The following CADM2 variants were observed in gnomAD, a reference collection of about 807,000 sequenced individuals.
CADM2 encodes immunoglobulin superfamily member 4D.
A neutral mutation model predicts 49.8 loss-of-function variants in CADM2; 12 were observed. The observed-to-expected ratio is 0.24, with a 90% CI of 0.15 to 0.39. CADM2 has a LOEUF of 0.39. CADM2 is among the 10% of genes least tolerant of loss of function. The probability of loss-of-function intolerance (pLI) is 1.00; values close to 1 mark genes in which losing one functional copy is unlikely to be tolerated. For synonymous variants in CADM2, 214 were observed against 175.4 expected, an observed-to-expected ratio of 1.22 and a Z score of -1.74; for missense variants, 378 against 492.3, an observed-to-expected ratio of 0.77 and a Z score of 2.20.
At chr3:85,213,639 C>T (rs1441115359) in intron 1 of CADM2, among the ~76,000 whole-genome samples, 1 of 152,074 alleles carries the variant, frequency 6.6e-6, no homozygotes, top group Non-Finnish European at 1.5e-5. Context: ...TATTTATTTC[C>T]TTCTCTTGGT....
chr3:85,923,568 C>T (rs1719438732), intron 6 of CADM2, among the ~76,000 whole-genome samples: 1 of 146,974 alleles, frequency 6.8e-6, no homozygotes. Flanking sequence ...CAAACAAACA[C>T]AGTAGCAAAC....
intron 1 of CADM2, among the ~76,000 whole-genome samples, chr3:85,271,535 C>A (rs2043242917): frequency 6.6e-6 from 1 of 151,054 alleles, no homozygotes; most frequent in Non-Finnish European, 1.5e-5. Context: ...GAATTAGAGA[C>A]ACACGGAGCA....
At chr3:86,025,495 A>T (rs1733797311) in intron 8 of CADM2, among the ~76,000 whole-genome samples, 1 of 151,852 alleles carries the variant, frequency 6.6e-6, no homozygotes, top group African/African-American at 2.4e-5. Flanking sequence ...TTATTTTTTT[A>T]AATCTTTATA....
intron 1 of CADM2, among the ~76,000 whole-genome samples, chr3:85,381,566 G>A (rs1157776303): frequency 7.1e-6 from 1 of 140,438 alleles, no homozygotes; most frequent in Non-Finnish European, 1.5e-5. Context: ...TGTAGTAACA[G>A]GTTCTAATAT....
chr3:84,963,833 ACTTTAGT>A (rs1170417856), intron 1 of CADM2, among the ~76,000 whole-genome samples: 2 of 152,154 alleles, frequency 1.3e-5, no homozygotes, highest in Non-Finnish European at 2.9e-5. Context: ...ACATGTGTTA[ACTTTAGT>A]CTTGGCAAGC....
intron 1 of CADM2, among the ~76,000 whole-genome samples, chr3:85,142,491 C>T (rs962890593): frequency 6.6e-6 from 1 of 152,138 alleles, no homozygotes; most frequent in African/African-American, 2.4e-5. Flanking sequence ...ACTGTGAATG[C>T]ATATGGGAAG....
At chr3:85,884,186 G>A (rs1713228229) in intron 4 of CADM2, among the ~76,000 whole-genome samples, 1 of 152,180 alleles carries the variant, frequency 6.6e-6, no homozygotes, top group South Asian at 2.1e-4. Context: ...TGAAATTGCT[G>A]CATTTCATTG....
At chr3:85,070,615 C>CA (rs2036696341) in intron 1 of CADM2, among the ~76,000 whole-genome samples, 1 of 151,838 alleles carries the variant, frequency 6.6e-6, no homozygotes, top group Non-Finnish European at 1.5e-5. Context: ...TTAAATAGAA[C>CA]AAAAAAAGGA....
At chr3:86,050,969 T>G (rs1335466847) in intron 8 of CADM2, among the ~76,000 whole-genome samples, 6 of 152,206 alleles carry the variant, frequency 3.9e-5, no homozygotes, top group Non-Finnish European at 8.8e-5. Context: ...TTATGCAAAT[T>G]TCTGCAGCCT....
chr3:85,917,299 A>G (rs1718478129), intron 6 of CADM2, among the ~76,000 whole-genome samples: 1 of 152,130 alleles, frequency 6.6e-6, no homozygotes, highest in Admixed American at 6.5e-5. Context: ...TTATGATTTT[A>G]GGTCTAACAT....
intron 1 of CADM2, among the ~76,000 whole-genome samples, chr3:85,018,397 A>G (rs140365745): frequency 2.1e-3 from 326 of 152,250 alleles, no homozygotes; most frequent in African/African-American, 7.5e-3. Flanking sequence ...ATCTATTTTG[A>G]GACAAAGTCT....
At chr3:85,183,882 C>T (rs186651598) in intron 1 of CADM2, among the ~76,000 whole-genome samples, 1 of 152,182 alleles carries the variant, frequency 6.6e-6, no homozygotes, top group Non-Finnish European at 1.5e-5. Flanking sequence ...ATTTAATAAG[C>T]ATTAACTCAG....
intron 1 of CADM2, among the ~76,000 whole-genome samples, chr3:85,711,341 G>A (rs1444339005): frequency 1.3e-5 from 2 of 152,010 alleles, no homozygotes; most frequent in African/African-American, 4.8e-5. Context: ...GTCCCCTAAG[G>A]CCTCAATTCC....
intron 8 of CADM2, among the ~76,000 whole-genome samples, chr3:86,051,551 T>C (rs531887636): frequency 1.3e-5 from 2 of 152,300 alleles, no homozygotes; most frequent in East Asian, 1.9e-4. Flanking sequence ...TATTAGTCTG[T>C]TATAGCATTG....
chr3:85,241,078 C>G (rs557972734), intron 1 of CADM2, among the ~76,000 whole-genome samples: 1 of 151,298 alleles, frequency 6.6e-6, no homozygotes, highest in African/African-American at 2.4e-5. Context: ...TGGAATTGAC[C>G]CTTTTATCAT....
chr3:86,054,179 G>T (rs1578073239), intron 8 of CADM2, among the ~76,000 whole-genome samples: 1 of 151,676 alleles, frequency 6.6e-6, no homozygotes, highest in African/African-American at 2.4e-5. Flanking sequence ...CTTTTCTACT[G>T]GTATGTGATG....
At chr3:85,143,271 C>T in intron 1 of CADM2, among the ~76,000 whole-genome samples, 1 of 152,050 alleles carries the variant, frequency 6.6e-6, no homozygotes, top group South Asian at 2.1e-4. Context: ...TTGCTTGAGC[C>T]CAGGAGTTTG....
chr3:85,465,292 A>G (rs970662985), intron 1 of CADM2, among the ~76,000 whole-genome samples: 2 of 152,212 alleles, frequency 1.3e-5, no homozygotes, highest in African/African-American at 2.4e-5. Context: ...CTTAAGTACT[A>G]TTTGAAAAAC....
At chr3:85,492,516 C>T (rs1216579047) in intron 1 of CADM2, among the ~76,000 whole-genome samples, 1 of 151,842 alleles carries the variant, frequency 6.6e-6, no homozygotes, top group Non-Finnish European at 1.5e-5. Context: ...GGCTTGAACC[C>T]AGGAGGCAGA....
Sources: gnomAD v4.1 joint callset for allele counts (sites outside exome capture counted in the v4.1 genomes callset) on GRCh38, gnomAD v4.1.1 for gene constraint, MANE v1.5 for transcripts, NCBI Gene and HGNC (gene_info 2026-07-23, HGNC 2026-07-21) for gene names.